The following AGR3 variants were observed in gnomAD, a reference collection of about 807,000 sequenced individuals.
The protein encoded by AGR3 is anterior gradient 3, protein disulphide isomerase family member, also known as anterior gradient protein 3.
Under a neutral mutation model 24.5 loss-of-function variants are expected in AGR3, and 37 were observed. The ratio of observed to expected loss-of-function variants is 1.51; its 90% CI spans 1.16 to 1.99. The LOEUF is 1.99. Ranked by LOEUF, AGR3 falls within the 30% of genes most tolerant of loss-of-function variation. AGR3 has a pLI of 0.00. For missense variants in AGR3, 228 were observed against 191.1 expected (o/e 1.19, Z -1.14); for synonymous variants, 75 against 61.6 (o/e 1.22, Z -1.02).
intron 3 of AGR3, chr7:16,865,909 T>A: frequency 1.4e-6 from 1 of 713,306 alleles, no homozygotes; most frequent in Non-Finnish European, 2.6e-6. Flanking sequence ...CTGTTATTAA[T>A]AAAATAGATC....
rs765708545 is a variant in AGR3 at position 16,861,403 on chromosome 7, C to T, written c.348G>A (p.Val116=). 1 of 1,609,368 alleles carries T rather than the reference C, an allele frequency of 6.2e-7. No individual in the cohort carries two copies. The highest frequency in any genetic ancestry group is 8.5e-7 in the Non-Finnish European group (1 of 1,177,724). ...ACATACCTACAAACATGATTCTAGG[C>T]ACATATTGCCCATCAGGTGATAAAT... is the stretch of plus-strand genomic sequence containing the variant. ...DKNLSPDGQY[V]PRIMFVDPSL... The change falls in exon 6 of 8, where the codon GTG becomes GTA. Residue 116 remains valine, a synonymous_variant. Transcript: ENST00000310398.
At chr7:16,869,117 A>G (rs4521666) in intron 3 of AGR3, among the ~76,000 whole-genome samples, 141,631 of 152,206 alleles carry the variant, frequency 0.93, 66,474 homozygotes, top group Non-Finnish European at 1. Context: ...TGGATGATCT[A>G]TTCATTGTTG....
chr7:16,873,867 T>C lies in AGR3; in HGVS notation c.110-24A>G, dbSNP rs1167634745. 3 of 1,578,288 alleles carry C rather than the reference T, an allele frequency of 1.9e-6. No individual in the cohort carries two copies. In the South Asian group the frequency reaches 3.3e-5, roughly 17 times the overall value. On this transcript the variant is annotated intron_variant, in intron 2 of 7. Coordinates refer to ENST00000310398, the MANE Select transcript of AGR3 (RefSeq NM_176813.5). ...TCCTGAAATAGAAGAGAGAAATCAA[T>C]GCAGTAACCCAGAACTAGAGAAGAG...
At chr7:16,860,323 G>T in intron 7 of AGR3, 177 bp downstream of exon 7, 1 of 555,548 alleles carries the variant, frequency 1.8e-6, no homozygotes, top group Admixed American at 3.2e-5. Context: ...TGTTAAAATA[G>T]ATTCTGAGGT....
intron 3 of AGR3, chr7:16,865,578 C>G (rs954210437): frequency 2.8e-6 from 2 of 715,964 alleles, no homozygotes; most frequent in African/African-American, 3.5e-5. Context: ...CACATACTTC[C>G]TTAGAACTTC....
At chr7:16,865,035 T>G in intron 3 of AGR3, 3 of 821,652 alleles carry the variant, frequency 3.7e-6, no homozygotes, top group Non-Finnish European at 2.2e-6. Context: ...CTGTTCATAT[T>G]CTGATAAATG....
intron 3 of AGR3, among the ~76,000 whole-genome samples, chr7:16,869,107 T>C (rs1781816149): frequency 1.3e-5 from 2 of 152,292 alleles, no homozygotes; most frequent in South Asian, 4.1e-4. Flanking sequence ...ATTGACTTTT[T>C]GGATGATCTA....
At chr7:16,865,592 T>TA (rs1781743026) in intron 3 of AGR3, 3 of 725,130 alleles carry the variant, frequency 4.1e-6, no homozygotes, top group Non-Finnish European at 5.1e-6. Context: ...GAACTTCATG[T>TA]AAAGTATGAG....
chr7:16,876,299 C>G (rs1781985614), intron 2 of AGR3, among the ~76,000 whole-genome samples: 1 of 152,080 alleles, frequency 6.6e-6, no homozygotes, highest in Non-Finnish European at 1.5e-5. Flanking sequence ...ATTTTCTTGT[C>G]TTTTGAGATT....
intron 3 of AGR3, chr7:16,866,109 C>G: frequency 1.8e-6 from 1 of 564,422 alleles, no homozygotes; most frequent in Non-Finnish European, 3.4e-6. Flanking sequence ...AGACAGATTT[C>G]CTATTTTTCT....
At chr7:16,865,636 C>T in intron 3 of AGR3, 1 of 769,410 alleles carries the variant, frequency 1.3e-6, no homozygotes, top group Non-Finnish European at 2.4e-6. Flanking sequence ...AATCTTCAAC[C>T]AGAATTATCT....
intron 2 of AGR3, among the ~76,000 whole-genome samples, chr7:16,874,792 T>A (rs1781952785): frequency 6.6e-6 from 1 of 152,114 alleles, no homozygotes; most frequent in Admixed American, 6.6e-5. Context: ...TGAAATAAAA[T>A]TCATACGCCA....
chr7:16,856,802 TAC>T (rs565474786), downstream of AGR3, among the ~76,000 whole-genome samples: 37 of 150,180 alleles, frequency 2.5e-4, no homozygotes, highest in African/African-American at 9.0e-4. Context: ...ATTATACACA[TAC>T]ACACACACAT....
chr7:16,867,502 AT>A (rs541768041), intron 3 of AGR3, among the ~76,000 whole-genome samples: 1 of 152,164 alleles, frequency 6.6e-6, no homozygotes, highest in Non-Finnish European at 1.5e-5. Flanking sequence ...TCACATACTT[AT>A]TTTTTGTGGT....
At chr7:16,881,008 G>A (rs1366934087) in intron 1 of AGR3, among the ~76,000 whole-genome samples, 1 of 152,070 alleles carries the variant, frequency 6.6e-6, no homozygotes, top group African/African-American at 2.4e-5. Flanking sequence ...CTTTTCCGTG[G>A]GAATAGGGTC....
At chr7:16,873,677 T>C in intron 3 of AGR3, 103 bp downstream of exon 3, 1 of 846,392 alleles carries the variant, frequency 1.2e-6, no homozygotes, top group Non-Finnish European at 1.9e-6. Flanking sequence ...CACTACACAT[T>C]GTGTACATGT....
chr7:16,860,926 A>C (rs1252801826), intron 6 of AGR3, among the ~76,000 whole-genome samples: 1 of 152,086 alleles, frequency 6.6e-6, no homozygotes, highest in Non-Finnish European at 1.5e-5. Context: ...TTCTGTGTTC[A>C]TTTGCTTAGG....
At chr7:16,867,893 A>C (rs1051752921) in intron 3 of AGR3, among the ~76,000 whole-genome samples, 4 of 152,132 alleles carry the variant, frequency 2.6e-5, no homozygotes, top group African/African-American at 9.7e-5. Context: ...GAATTGCTGG[A>C]TCATATGGTA....
At chr7:16,878,692 C>G (rs1782043710) in intron 1 of AGR3, 47 bp from the exon 2 acceptor site, 3 of 1,350,478 alleles carry the variant, frequency 2.2e-6, no homozygotes, top group Non-Finnish European at 3.2e-6. Context: ...TTACTTCAAG[C>G]TATTATTAGA....
Sources: gnomAD v4.1 joint callset for allele counts (sites outside exome capture counted in the v4.1 genomes callset) on GRCh38, gnomAD v4.1.1 for gene constraint, MANE v1.5 for transcripts, NCBI Gene and HGNC (gene_info 2026-07-23, HGNC 2026-07-21) for gene names.